SHISA9: variants seen among roughly 807,000 people sequenced by gnomAD.
The protein encoded by SHISA9 is shisa family member 9, also known as protein shisa-9.
Under a neutral mutation model 38.0 loss-of-function variants are expected in SHISA9, and 13 were observed. The ratio of observed to expected loss-of-function variants is 0.34; its 90% CI spans 0.22 to 0.54. SHISA9 has a LOEUF of 0.54. SHISA9 is among the 20% of genes least tolerant of loss of function. The probability of loss-of-function intolerance (pLI) is 0.91; values close to 1 mark genes in which losing one functional copy is unlikely to be tolerated. For synonymous variants in SHISA9, 275 were observed against 242.0 expected (o/e 1.14, Z -1.27); for missense variants, 538 against 575.8 (o/e 0.93, Z 0.67).
intron 2 of SHISA9, among the ~76,000 whole-genome samples, chr16:12,949,130 AG>A (rs1429349718): frequency 3.9e-5 from 6 of 152,322 alleles, no homozygotes; most frequent in Admixed American, 2.6e-4. Flanking sequence ...CCCTGTATTA[AG>A]AAAGTTCCCT....
chr16:12,983,204 G>A (rs1045680086), intron 2 of SHISA9, among the ~76,000 whole-genome samples: 5 of 152,184 alleles, frequency 3.3e-5, no homozygotes, highest in Non-Finnish European at 5.9e-5. Context: ...CCCAGAGAGC[G>A]AAGCTGAGAC....
At chr16:12,942,411 C>T (rs2071623170) in intron 2 of SHISA9, among the ~76,000 whole-genome samples, 1 of 152,178 alleles carries the variant, frequency 6.6e-6, no homozygotes, top group Admixed American at 6.5e-5. Context: ...GACCACATTG[C>T]CTTTCTTCCA....
At chr16:13,256,377 G>A in the SHISA9 span, among the ~76,000 whole-genome samples, 2 of 152,320 alleles carry the variant, frequency 1.3e-5, no homozygotes, top group South Asian at 2.1e-4. Flanking sequence ...TGCCTCCCAG[G>A]TTCAAGTGAT....
chr16:13,469,010 A>G, the SHISA9 span, among the ~76,000 whole-genome samples: 2 of 151,978 alleles, frequency 1.3e-5, no homozygotes, highest in Non-Finnish European at 2.9e-5. Context: ...TGGGAGGCTG[A>G]GGCAGGTGGA....
chr16:13,461,496 C>T, the SHISA9 span, among the ~76,000 whole-genome samples: 4 of 151,538 alleles, frequency 2.6e-5, no homozygotes, highest in African/African-American at 9.7e-5. Flanking sequence ...GGGGAATCGC[C>T]TGACCCCTGG....
chr16:13,325,286 A>G, the SHISA9 span, among the ~76,000 whole-genome samples: 1 of 152,210 alleles, frequency 6.6e-6, no homozygotes, highest in African/African-American at 2.4e-5. Flanking sequence ...ACAGAGTCAG[A>G]TTGCAATTTG....
At chr16:12,991,036 A>T (rs2072378912) in intron 2 of SHISA9, among the ~76,000 whole-genome samples, 1 of 152,240 alleles carries the variant, frequency 6.6e-6, no homozygotes, top group Non-Finnish European at 1.5e-5. Context: ...TGCTAGCATG[A>T]AAAATTATTA....
intron 4 of SHISA9, among the ~76,000 whole-genome samples, chr16:13,220,812 G>A (rs2051216641): frequency 6.6e-6 from 1 of 152,160 alleles, no homozygotes; most frequent in Admixed American, 6.5e-5. Context: ...CCGTTGTCCA[G>A]TAGCCTTTCA....
intron 2 of SHISA9, among the ~76,000 whole-genome samples, chr16:12,983,544 A>C (rs902348811): frequency 6.6e-6 from 1 of 152,194 alleles, no homozygotes; most frequent in Non-Finnish European, 1.5e-5. Flanking sequence ...GCTGGAGTGC[A>C]GTGGCACAAT....
intron 2 of SHISA9, among the ~76,000 whole-genome samples, chr16:12,968,564 T>C (rs551800460): frequency 2.6e-5 from 4 of 152,296 alleles, no homozygotes; most frequent in South Asian, 4.1e-4. Context: ...AATCGTAAAA[T>C]GAAATATCAT....
the SHISA9 span, among the ~76,000 whole-genome samples, chr16:13,502,181 A>G: frequency 0.29 from 43,506 of 152,090 alleles, 6,814 homozygotes; most frequent in East Asian, 0.37. Context: ...GATTGCCTAC[A>G]TAGCTGTCAG....
rs372233765 is a variant in SHISA9, at chr16:13,047,961, T to C, written c.691+131146T>C. Among the ~76,000 whole-genome samples the C allele has an allele frequency of 2.6e-5, 4 of 152,182 alleles. No individual in the cohort carries two copies. The East Asian group carries it at 7.7e-4, about 29-fold the overall frequency. ...AGCACAGTTTTATACCATGTGGAAG[T>C]ATGATTCAGGCCCTGTCCAGAAGAC... On this transcript the variant is annotated intron_variant, in intron 2 of 4. Coordinates refer to ENST00000558583, the MANE Select transcript of SHISA9 (RefSeq NM_001145204.3).
intron 2 of SHISA9, among the ~76,000 whole-genome samples, chr16:12,966,227 A>C (rs1206284080): frequency 6.6e-6 from 1 of 152,188 alleles, no homozygotes; most frequent in Non-Finnish European, 1.5e-5. Context: ...ACTTTCCTAC[A>C]TCTATGATTT....
intron 2 of SHISA9, among the ~76,000 whole-genome samples, chr16:13,145,262 C>T (rs972695973): frequency 8.5e-5 from 13 of 152,302 alleles, no homozygotes; most frequent in African/African-American, 3.1e-4. Flanking sequence ...TGGTGGCTCA[C>T]GCCTGTAATC....
chr16:13,050,990 A>ATT (rs1482298098), intron 2 of SHISA9, among the ~76,000 whole-genome samples: 1 of 152,180 alleles, frequency 6.6e-6, no homozygotes, highest in Non-Finnish European at 1.5e-5. Context: ...TTGGGCCTCC[A>ATT]TTTTGTCATC....
intron 2 of SHISA9, among the ~76,000 whole-genome samples, chr16:13,056,327 A>T (rs2073310498): frequency 6.6e-6 from 1 of 152,142 alleles, no homozygotes; most frequent in Non-Finnish European, 1.5e-5. Flanking sequence ...GGTGGAGGCA[A>T]ACTATGGTTT....
rs993758348 is a variant in SHISA9 at position 12,910,705 on chromosome 16, G to T, written c.564-5983G>T. 24 of 985,384 alleles carry T rather than the reference G, an allele frequency of 2.4e-5. No individual in the cohort carries two copies. In the African/African-American group the frequency reaches 4.2e-4, roughly 17 times the overall value. The allele number at this position is 985,384 out of a possible 1,614,324, so 61.0% of individuals were successfully genotyped here. A position where few individuals can be genotyped will look rare whatever the true frequency, so the allele number is the denominator to read the frequency against. On this transcript the variant is annotated intron_variant, in intron 1 of 4. Transcript: ENST00000558583. The stretch of plus-strand genomic sequence containing the variant: ...CTGGGTGGAAGGCTATCAAGAAAAA[G>T]CTTAGCTTCTTCTTCAGGTAACTGC...
At chr16:13,443,182 C>G in the SHISA9 span, among the ~76,000 whole-genome samples, 3 of 152,164 alleles carry the variant, frequency 2.0e-5, no homozygotes, top group Non-Finnish European at 4.4e-5. Flanking sequence ...CCAACTGTAC[C>G]AAATATAATG....
intron 2 of SHISA9, among the ~76,000 whole-genome samples, chr16:13,033,589 G>C (rs1448101566): frequency 1.3e-5 from 2 of 152,132 alleles, no homozygotes; most frequent in Non-Finnish European, 2.9e-5. Context: ...TTGGATTAGG[G>C]GTCCACTTGC....
Sources: gnomAD v4.1 joint callset for allele counts (sites outside exome capture counted in the v4.1 genomes callset) on GRCh38, gnomAD v4.1.1 for gene constraint, MANE v1.5 for transcripts, NCBI Gene and HGNC (gene_info 2026-07-23, HGNC 2026-07-21) for gene names.